The following CACNA2D1 variants were observed in gnomAD, a reference collection of about 807,000 sequenced individuals.
CACNA2D1 encodes the protein voltage-dependent calcium channel subunit alpha-2/delta-1.
A neutral mutation model predicts 171.5 loss-of-function variants in CACNA2D1; 53 were observed. The ratio of observed to expected loss-of-function variants is 0.31; its 90% confidence interval spans 0.25 to 0.39. The LOEUF (loss-of-function observed/expected upper bound fraction) is 0.39. Among genes scored for constraint, CACNA2D1 ranks in the 10% least tolerant of loss-of-function variants. The probability of loss-of-function intolerance (pLI) is 1.00; values close to 1 mark genes in which losing one functional copy is unlikely to be tolerated. For missense variants in CACNA2D1, 903 were observed against 1,299.8 expected (o/e 0.69, Z 4.69); for synonymous variants, 442 against 443.1 (o/e 1.00, Z 0.03).
chr7:82,155,395 A>G (rs931743512), intron 4 of CACNA2D1, among the ~76,000 whole-genome samples: 1 of 152,162 alleles, frequency 6.6e-6, no homozygotes, highest in African/African-American at 2.4e-5. Flanking sequence ...AGTATGTACC[A>G]AAAAAGAAAT....
At chr7:82,236,004 A>G (rs1267895207) in intron 3 of CACNA2D1, among the ~76,000 whole-genome samples, 2 of 152,104 alleles carry the variant, frequency 1.3e-5, no homozygotes, top group Non-Finnish European at 2.9e-5. Flanking sequence ...GAAGAGGTAT[A>G]CATAAATTAA....
At chr7:82,157,203 C>T (rs1301465850) in intron 4 of CACNA2D1, among the ~76,000 whole-genome samples, 1 of 152,080 alleles carries the variant, frequency 6.6e-6, no homozygotes, top group Non-Finnish European at 1.5e-5. Flanking sequence ...AATTTATAAT[C>T]ATCAATGAAA....
intron 34 of CACNA2D1, among the ~76,000 whole-genome samples, chr7:81,963,147 A>C (rs770876392): frequency 6.6e-6 from 1 of 152,014 alleles, no homozygotes; most frequent in East Asian, 1.9e-4. Flanking sequence ...AAGCCTACTG[A>C]AATTAATATA....
In CACNA2D1 at chr7:81,959,828, T is replaced by C. The variant is rs150594547; in HGVS notation, c.2968A>G (p.Ile990Val). ...GVLDCGNCSR[I>V]FHGEKLMNTN... ...TTCATAAGCTTTTCTCCATGAAAGA[T>C]TCTGCAAAATAAATATGGTATCATA... Residue 990 changes from isoleucine (I) to valine (V), a missense_variant and splice_region_variant, in exon 37 of 39, where the codon ATC becomes GTC. By Grantham distance (29) the Ile-to-Val change is conservative. Around this residue, in one of 5 missense-constraint regions of CACNA2D1, gnomAD observed 623 missense variants for 925.5 expected, o/e 0.67. Coordinates refer to ENST00000356860, the MANE Select transcript of CACNA2D1 (RefSeq NM_000722.4). The C allele has an allele frequency of 1.2e-6, 2 of 1,611,480 alleles. No homozygotes were observed. The highest frequency in any genetic ancestry group is 1.3e-5 in the African/African-American group (1 of 74,828).
chr7:82,052,591 A>G (rs374002724), intron 10 of CACNA2D1, among the ~76,000 whole-genome samples: 5 of 152,304 alleles, frequency 3.3e-5, no homozygotes, highest in African/African-American at 1.2e-4. Context: ...ACTAACTCAT[A>G]AGACTGAAAA....
At chr7:82,273,891 T>A (rs1007868623) in intron 3 of CACNA2D1, among the ~76,000 whole-genome samples, 6 of 152,188 alleles carry the variant, frequency 3.9e-5, no homozygotes, top group Non-Finnish European at 8.8e-5. Context: ...AAGAATATGC[T>A]TCATTTTCTA....
intron 12 of CACNA2D1, chr7:82,029,495 T>C (rs1028194400): frequency 2.0e-5 from 3 of 151,828 alleles, no homozygotes; most frequent in Non-Finnish European, 4.4e-5. Context: ...CTGAGTTAAC[T>C]GTCTTATTCT....
At chr7:82,348,680 C>A (rs746794694) in intron 2 of CACNA2D1, among the ~76,000 whole-genome samples, 1 of 151,998 alleles carries the variant, frequency 6.6e-6, no homozygotes, top group Non-Finnish European at 1.5e-5. Flanking sequence ...ATAAAGTAAC[C>A]ACACATTCCA....
chr7:81,970,130 C>T (rs1321284553), intron 27 of CACNA2D1, 146 bp from the exon 28 acceptor site: 7 of 669,744 alleles, frequency 1.0e-5, no homozygotes, highest in East Asian at 2.7e-5. Flanking sequence ...ATAACTGATA[C>T]TCATTACTGA....
chr7:82,324,353 C>CAAA (rs796381675), intron 3 of CACNA2D1, among the ~76,000 whole-genome samples: 2 of 77,382 alleles, frequency 2.6e-5, no homozygotes, highest in African/African-American at 1.0e-4. Flanking sequence ...AGCCAAACTC[C>CAAA]AAAAAAAAAA....
intron 1 of CACNA2D1, among the ~76,000 whole-genome samples, chr7:82,354,916 T>G (rs975910779): frequency 6.6e-6 from 1 of 152,178 alleles, no homozygotes; most frequent in African/African-American, 2.4e-5. Flanking sequence ...ACTACTAAAA[T>G]ATTTGCTAAA....
intron 7 of CACNA2D1, among the ~76,000 whole-genome samples, chr7:82,073,761 C>T (rs535525139): frequency 7.9e-5 from 12 of 152,060 alleles, no homozygotes; most frequent in Admixed American, 7.8e-4. Flanking sequence ...CAACCACACC[C>T]GGCTAATTTT....
intron 3 of CACNA2D1, among the ~76,000 whole-genome samples, chr7:82,304,230 T>C (rs1813415985): frequency 6.6e-6 from 1 of 151,982 alleles, no homozygotes; most frequent in Non-Finnish European, 1.5e-5. Flanking sequence ...AGAACTCTTA[T>C]ATACTTTTGG....
intron 3 of CACNA2D1, among the ~76,000 whole-genome samples, chr7:82,247,948 G>A (rs1289058832): frequency 6.6e-6 from 1 of 152,064 alleles, no homozygotes; most frequent in Admixed American, 6.6e-5. Context: ...CTATTTTAGG[G>A]AAATGAAACC....
chr7:82,139,672 T>G (rs1235819631), intron 4 of CACNA2D1, among the ~76,000 whole-genome samples: 1 of 152,132 alleles, frequency 6.6e-6, no homozygotes, highest in African/African-American at 2.4e-5. Context: ...AACGCTGAGT[T>G]TTTAAGTAAA....
chr7:82,024,844 T>C (rs78706015), intron 12 of CACNA2D1, among the ~76,000 whole-genome samples: 2,058 of 151,808 alleles, frequency 0.014, 52 homozygotes, highest in African/African-American at 0.045. Context: ...AAGGATCCAA[T>C]TTCATCTTTA....
At chr7:82,073,189 T>G (rs1199134705) in intron 7 of CACNA2D1, among the ~76,000 whole-genome samples, 1 of 152,206 alleles carries the variant, frequency 6.6e-6, no homozygotes, top group Non-Finnish European at 1.5e-5. Flanking sequence ...GGGCAAGATG[T>G]GCAGACAGGG....
Position 82,242,786 on chromosome 7 carries a change from A to C in CACNA2D1, c.295-72177T>G, listed in dbSNP as rs745473933. Among the ~76,000 whole-genome samples the C allele has an allele frequency of 3.7e-5, 5 of 134,912 alleles. No homozygotes were observed. The Admixed American group carries it at 3.8e-4, about 10-fold the overall frequency. The allele number at this position is 134,912 out of a possible 152,430, so 88.5% of individuals were successfully genotyped here. On this transcript the variant is annotated intron_variant, in intron 3 of 38. Coordinates refer to ENST00000356860, the MANE Select transcript of CACNA2D1 (RefSeq NM_000722.4). ...CTATTACACACGTCTACACATTCCAAATCAATTTTATGAGTCAGACTCAAT... is the reference window on the plus strand; with the variant it reads ...CTATTACACACGTCTACACATTCCACATCAATTTTATGAGTCAGACTCAAT...
intron 4 of CACNA2D1, among the ~76,000 whole-genome samples, chr7:82,163,787 G>C (rs1039434225): frequency 1.3e-4 from 19 of 151,980 alleles, no homozygotes; most frequent in Non-Finnish European, 1.0e-4. Flanking sequence ...ATGCTCACTA[G>C]ACTAGGCAAA....
Sources: allele counts gnomAD v4.1 joint callset (sites outside exome capture counted in the v4.1 genomes callset), GRCh38; gene constraint gnomAD v4.1.1; regional missense constraint gnomAD v4.1.1; transcripts MANE v1.5; gene names NCBI Gene and HGNC (gene_info 2026-07-23, HGNC 2026-07-21).